WDR49: variants seen among roughly 807,000 people sequenced by gnomAD.
WDR49 encodes the protein WD repeat domain 49.
In WDR49, 107 loss-of-function variants were observed where a neutral mutation model predicts 119.5. The observed-to-expected ratio is 0.90, with a 90% CI of 0.77 to 1.05. The LOEUF is 1.05. WDR49 is among the 50% of genes least tolerant of loss of function. The pLI is 0.00. For missense variants in WDR49, 1,240 were observed against 1,220.5 expected, an observed-to-expected ratio of 1.02 and a Z score of -0.24; for synonymous variants, 425 against 418.8, an observed-to-expected ratio of 1.01 and a Z score of -0.18.
intron 7 of WDR49, among the ~76,000 whole-genome samples, chr3:167,598,694 T>C (rs969065075): frequency 2.3e-4 from 35 of 152,318 alleles, no homozygotes; most frequent in African/African-American, 8.4e-4. Context: ...TCCAGTCTCA[T>C]AGTTCTTTGT....
intron 15 of WDR49, 152 bp downstream of exon 15, chr3:167,527,668 A>G: frequency 1.3e-6 from 1 of 756,220 alleles, no homozygotes; most frequent in Non-Finnish European, 2.1e-6. Context: ...AAAACAGGGC[A>G]AGAGTCGCCT....
At chr3:167,641,490 T>C (rs912516331) in intron 2 of WDR49, among the ~76,000 whole-genome samples, 2 of 151,916 alleles carry the variant, frequency 1.3e-5, no homozygotes, top group African/African-American at 4.8e-5. Flanking sequence ...AGCTGATTTA[T>C]ATGACCCAAT....
intron 9 of WDR49, 43 bp from the exon 10 acceptor site, chr3:167,554,841 AC>A: frequency 7.2e-7 from 1 of 1,386,664 alleles, no homozygotes; most frequent in Non-Finnish European, 1.0e-6. Context: ...AGGAAGGTAA[AC>A]TTTTTATATT....
At chr3:167,514,737 T>C (rs1260069332) in intron 16 of WDR49, among the ~76,000 whole-genome samples, 1 of 151,522 alleles carries the variant, frequency 6.6e-6, no homozygotes, top group Non-Finnish European at 1.5e-5. Flanking sequence ...GATAGATTGC[T>C]AGCTGAATTA....
chr3:167,558,090 A>C (rs950053826), intron 9 of WDR49, among the ~76,000 whole-genome samples: 2 of 152,148 alleles, frequency 1.3e-5, no homozygotes, highest in African/African-American at 4.8e-5. Context: ...CTGTCTCTAA[A>C]AACAAACAAA....
intron 18 of WDR49, among the ~76,000 whole-genome samples, chr3:167,493,049 G>C (rs751596194): frequency 1.4e-4 from 21 of 152,124 alleles, no homozygotes; most frequent in Non-Finnish European, 2.6e-4. Context: ...CTGTCATGAT[G>C]TTGAGCTCTG....
intron 18 of WDR49, among the ~76,000 whole-genome samples, chr3:167,480,186 T>G (rs1385656934): frequency 2.7e-5 from 4 of 147,590 alleles, no homozygotes; most frequent in Non-Finnish European, 4.4e-5. Context: ...GAGGCAGAGT[T>G]TGCAGTGAGC....
intron 7 of WDR49, among the ~76,000 whole-genome samples, chr3:167,589,295 T>C (rs1414404995): frequency 6.6e-6 from 1 of 152,138 alleles, no homozygotes; most frequent in Non-Finnish European, 1.5e-5. Flanking sequence ...CACTGGTCTA[T>C]GTGTTTGTTT....
intron 18 of WDR49, among the ~76,000 whole-genome samples, chr3:167,495,062 C>T (rs1257215900): frequency 1.3e-5 from 2 of 152,012 alleles, no homozygotes. Context: ...ATATTAATTT[C>T]AGTGTCTATA....
intron 2 of WDR49, among the ~76,000 whole-genome samples, chr3:167,641,535 A>G (rs1462962874): frequency 2.0e-5 from 3 of 152,084 alleles, no homozygotes; most frequent in Admixed American, 2.0e-4. Context: ...ATTGCTGAGA[A>G]TGCCCAAAGA....
chr3:167,578,072 CCTT>C lies in WDR49; in HGVS notation c.1276-1924_1276-1922del, dbSNP rs1318980046. 2.0e-5 allele frequency among the ~76,000 whole-genome samples: 3 copies of C among 152,108 alleles called. No individual in the cohort carries two copies. In the East Asian group the frequency reaches 5.8e-4, roughly 29 times the overall value. ...TCTTCTACCTTTTCATTCTATCCTA[CCTT>C]CTTCTCACACCTGCATAAGCTTCCT... On this transcript the variant is annotated intron_variant, in intron 7 of 18. Transcript: ENST00000682715.
Position 167,528,076 on chromosome 3 carries a change from C to G in WDR49, c.2407-59G>C, listed in dbSNP as rs549013940. ...TTCAAATATGAAATGATTACAATGACATAACACTTTTAAAAAAAGGCCGAT... is the reference window on the plus strand; with the variant it reads ...TTCAAATATGAAATGATTACAATGAGATAACACTTTTAAAAAAAGGCCGAT... On this transcript the variant is annotated intron_variant, in intron 14 of 18. Transcript: ENST00000682715. 6.3e-6 allele frequency: 9 copies of G among 1,435,268 alleles called. No individual in the cohort carries two copies. In the Admixed American group the frequency reaches 1.9e-4, roughly 30 times the overall value. The allele number at this position is 1,435,268 out of a possible 1,614,324, so 88.9% of individuals were successfully genotyped here.
intron 16 of WDR49, among the ~76,000 whole-genome samples, chr3:167,516,140 A>G (rs1026599278): frequency 2.0e-5 from 3 of 152,208 alleles, no homozygotes; most frequent in African/African-American, 7.2e-5. Context: ...TTTAGGGTAC[A>G]TGTGCACAAC....
intron 2 of WDR49, among the ~76,000 whole-genome samples, chr3:167,633,013 G>A (rs1251832446): frequency 6.6e-6 from 1 of 151,878 alleles, no homozygotes; most frequent in Non-Finnish European, 1.5e-5. Flanking sequence ...TTTGCTGAAG[G>A]GTTTAGAGAA....
In WDR49 at chr3:167,609,586, A is replaced by G. The variant is rs545906852; in HGVS notation, c.959-5118T>C. On this transcript the variant is annotated intron_variant, in intron 5 of 18. Coordinates refer to ENST00000682715, the MANE Select transcript of WDR49 (RefSeq NM_001366157.1). ...AGGGCTACAGCACTGTTTGTCTCCA[A>G]ATAAACTTGAAATGCCATAAAGCTC... 1.3e-3 allele frequency among the ~76,000 whole-genome samples: 202 copies of G among 152,264 alleles called. 2 individuals carry two copies. Among genetic ancestry groups the G allele is most frequent in the African/African-American group, 4.7e-3 (196 of 41,542 alleles).
chr3:167,556,716 T>C (rs1223702331), intron 9 of WDR49, among the ~76,000 whole-genome samples: 1 of 151,930 alleles, frequency 6.6e-6, no homozygotes, highest in Non-Finnish European at 1.5e-5. Flanking sequence ...TGAAACCCTG[T>C]CTCCACTAAA....
At chr3:167,492,671 C>T (rs1411871036) in intron 18 of WDR49, among the ~76,000 whole-genome samples, 1 of 152,082 alleles carries the variant, frequency 6.6e-6, no homozygotes, top group Non-Finnish European at 1.5e-5. Context: ...GTTGAGGAAA[C>T]TAAGGCACAG....
At chr3:167,615,415 C>T (rs943660817) in intron 5 of WDR49, among the ~76,000 whole-genome samples, 6 of 145,580 alleles carry the variant, frequency 4.1e-5, no homozygotes, top group Non-Finnish European at 8.9e-5. Flanking sequence ...GGATTACAGG[C>T]GTGGACCACC....
At chr3:167,528,044 TA>T in intron 14 of WDR49, 27 bp from the exon 15 acceptor site, 1 of 1,580,294 alleles carries the variant, frequency 6.3e-7, no homozygotes, top group South Asian at 1.1e-5. Context: ...ACCAGAACTC[TA>T]AAAAATTCAA....
Sources: allele counts gnomAD v4.1 joint callset (sites outside exome capture counted in the v4.1 genomes callset), GRCh38; gene constraint gnomAD v4.1.1; transcripts MANE v1.5; gene names NCBI Gene and HGNC (gene_info 2026-07-23, HGNC 2026-07-21).